The following MTFR1 variants were observed in gnomAD, a reference collection of about 807,000 sequenced individuals.
MTFR1 encodes chondrocyte protein with a poly-proline region.
Under a neutral mutation model 38.8 loss-of-function variants are expected in MTFR1, and 28 were observed. The observed-to-expected ratio is 0.72, with a 90% confidence interval of 0.53 to 0.99. The LOEUF (loss-of-function observed/expected upper bound fraction) is 0.99. MTFR1 is among the 50% of genes least tolerant of loss of function. The pLI is 0.00. For missense variants in MTFR1, 358 were observed against 395.5 expected (o/e 0.91, Z 0.81); for synonymous variants, 145 against 137.0 (o/e 1.06, Z -0.41).
chr8:65,649,344 C>T (rs1341935404), intron 1 of MTFR1, among the ~76,000 whole-genome samples: 2 of 152,066 alleles, frequency 1.3e-5, no homozygotes, highest in Non-Finnish European at 2.9e-5. Context: ...GCCACCACGA[C>T]CTGCTAATTT....
chr8:65,669,751 A>C (rs1276351455), intron 1 of MTFR1, 122 bp from the exon 2 acceptor site: 1 of 523,196 alleles, frequency 1.9e-6, no homozygotes, highest in African/African-American at 2.0e-5. Flanking sequence ...GGGTTTCTCC[A>C]TGTTGGTCAG....
chr8:65,744,810 T>C (rs1807598622), intron 3 of MTFR1, among the ~76,000 whole-genome samples: 1 of 152,266 alleles, frequency 6.6e-6, no homozygotes, highest in East Asian at 1.9e-4. Flanking sequence ...ATGATGATGA[T>C]GATACTAATG....
At chr8:65,653,497 G>A (rs989850455) in intron 1 of MTFR1, among the ~76,000 whole-genome samples, 1 of 152,040 alleles carries the variant, frequency 6.6e-6, no homozygotes. Context: ...GGGCAACAGA[G>A]CAAGGCTCTG....
At chr8:65,686,511 C>CG (rs1563448379) in intron 3 of MTFR1, among the ~76,000 whole-genome samples, 1 of 135,452 alleles carries the variant, frequency 7.4e-6, no homozygotes, top group African/African-American at 2.8e-5. Context: ...ACCTGGGAGG[C>CG]GGAGGTTGCA....
In MTFR1 at chr8:65,759,745, G is replaced by A. The variant is rs568481969; in HGVS notation, c.*49-11202G>A. Reference sequence around the variant, plus strand: ...TTCCTAAAGGTCCTTTCTGGAATGAGACATCCCAAACCCTCTCTTTTGCTC... The same window carrying A: ...TTCCTAAAGGTCCTTTCTGGAATGAAACATCCCAAACCCTCTCTTTTGCTC... On this transcript the variant is annotated intron_variant, in intron 3 of 3. Transcript: ENST00000521247. Among the ~76,000 whole-genome samples the A allele has an allele frequency of 9.1e-4, 139 of 152,202 alleles. 1 individual carries two copies. The highest frequency in any genetic ancestry group is 3.4e-3 in the Middle Eastern group (1 of 294).
chr8:65,725,107 A>G (rs1256712962), intron 3 of MTFR1, among the ~76,000 whole-genome samples: 1 of 152,184 alleles, frequency 6.6e-6, no homozygotes, highest in African/African-American at 2.4e-5. Flanking sequence ...CATTAAAATA[A>G]CCAAAACTAA....
At chr8:65,757,078 T>A (rs1808268789) in intron 3 of MTFR1, among the ~76,000 whole-genome samples, 1 of 151,994 alleles carries the variant, frequency 6.6e-6, no homozygotes, top group Admixed American at 6.6e-5. Flanking sequence ...TCCTCTTGGG[T>A]TTTTATGGAA....
chr8:65,662,452 C>T (rs576577754), intron 1 of MTFR1, among the ~76,000 whole-genome samples: 1 of 150,780 alleles, frequency 6.6e-6, no homozygotes, highest in African/African-American at 2.4e-5. Context: ...TCGATACAAC[C>T]TCCACCTCCC....
intron 1 of MTFR1, among the ~76,000 whole-genome samples, chr8:65,646,286 C>G (rs1432294408): frequency 6.6e-6 from 1 of 152,128 alleles, no homozygotes; most frequent in African/African-American, 2.4e-5. Context: ...TGAAGTCACA[C>G]TGCTGAAAGG....
chr8:65,645,088 C>G (rs1338148734), intron 1 of MTFR1, among the ~76,000 whole-genome samples: 1 of 152,214 alleles, frequency 6.6e-6, no homozygotes, highest in Non-Finnish European at 1.5e-5. Flanking sequence ...ACCTCCTGCC[C>G]CCTCCCCCGA....
At position 65,645,700 on chromosome 8, in the gene MTFR1, C is replaced by T. The variant is rs538263642; in HGVS notation, c.-81+916C>T. Among the ~76,000 whole-genome samples, 6 of 132,688 alleles carry T rather than the reference C, an allele frequency of 4.5e-5. 1 individual carries two copies. The highest frequency in any genetic ancestry group is 7.5e-5 in the Admixed American group (1 of 13,246). The allele number at this position is 132,688 out of a possible 152,430, so 87.0% of individuals were successfully genotyped here. On this transcript the variant is annotated intron_variant, in intron 1 of 7. Transcript: ENST00000262146. ...GCCATCACGCCCGGCTTTCCCCCCC[C>T]CCCCCCTTTGTAGAGATGGGGTCTC...
At chr8:65,704,574 A>T in intron 4 of MTFR1, 120 bp from the exon 5 acceptor site, 1 of 734,960 alleles carries the variant, frequency 1.4e-6, no homozygotes, top group Non-Finnish European at 2.3e-6. Flanking sequence ...GAAGGGACTT[A>T]TGTAAGATCA....
intron 4 of MTFR1, among the ~76,000 whole-genome samples, chr8:65,701,384 A>G (rs1805608399): frequency 6.6e-6 from 1 of 152,266 alleles, no homozygotes; most frequent in Non-Finnish European, 1.5e-5. Flanking sequence ...GACATCATAG[A>G]CATTGTCATC....
chr8:65,761,339 C>G (rs1328992203), intron 3 of MTFR1, among the ~76,000 whole-genome samples: 1 of 152,160 alleles, frequency 6.6e-6, no homozygotes, highest in Non-Finnish European at 1.5e-5. Flanking sequence ...GCTAGGATTA[C>G]AGGCATGAGC....
chr8:65,725,002 C>T (rs1175039418), intron 3 of MTFR1: 38 of 864,922 alleles, frequency 4.4e-5, no homozygotes, highest in South Asian at 3.7e-4. Flanking sequence ...CCATAATAAT[C>T]GGAAGGCTTT....
chr8:65,703,426 T>TG (rs1805678190), intron 4 of MTFR1, among the ~76,000 whole-genome samples: 1 of 117,608 alleles, frequency 8.5e-6, no homozygotes, highest in African/African-American at 3.5e-5. Flanking sequence ...CTGGTTTTTT[T>TG]TTTTTTTTTT....
intron 1 of MTFR1, among the ~76,000 whole-genome samples, chr8:65,654,895 A>G (rs1809214436): frequency 6.6e-6 from 1 of 152,116 alleles, no homozygotes; most frequent in Non-Finnish European, 1.5e-5. Context: ...TTTTATACAC[A>G]TAATATGCAG....
At chr8:65,749,617 G>A (rs1376180179) in intron 3 of MTFR1, among the ~76,000 whole-genome samples, 1 of 152,184 alleles carries the variant, frequency 6.6e-6, no homozygotes, top group Non-Finnish European at 1.5e-5. Flanking sequence ...AATGTTCCAA[G>A]TGCTTTGTAA....
intron 2 of MTFR1, among the ~76,000 whole-genome samples, chr8:65,670,310 TAAA>T (rs1028637513): frequency 8.5e-5 from 13 of 152,182 alleles, no homozygotes; most frequent in Non-Finnish European, 1.8e-4. Flanking sequence ...AATCATTGCA[TAAA>T]ATATGCTTGG....
Sources: gnomAD v4.1 joint callset for allele counts (sites outside exome capture counted in the v4.1 genomes callset) on GRCh38, gnomAD v4.1.1 for gene constraint, MANE v1.5 for transcripts, NCBI Gene and HGNC (gene_info 2026-07-23, HGNC 2026-07-21) for gene names.